MICAL3: variants seen among roughly 807,000 people sequenced by gnomAD.
MICAL3 encodes microtubule associated monooxygenase, calponin and LIM domain containing 3.
Under a neutral mutation model 207.4 loss-of-function variants are expected in MICAL3, and 62 were observed. The observed-to-expected ratio is 0.30, with a 90% CI of 0.24 to 0.37. The LOEUF is 0.37. Among genes scored for constraint, MICAL3 ranks in the 10% least tolerant of loss-of-function variants. MICAL3 has a pLI of 1.00. For missense variants in MICAL3, 2,368 were observed against 2,635.6 expected, an observed-to-expected ratio of 0.90 and a Z score of 2.22; for synonymous variants, 1,077 against 1,069.3, an observed-to-expected ratio of 1.01 and a Z score of -0.14.
intron 1 of MICAL3, among the ~76,000 whole-genome samples, chr22:17,990,229 G>C (rs1921513267): frequency 6.6e-6 from 1 of 152,114 alleles, no homozygotes; most frequent in African/African-American, 2.4e-5. Context: ...GATGAGGAGG[G>C]GACCAGCAAG....
Position 17,822,993 on chromosome 22 carries a change from T to C in MICAL3, c.3261A>G (p.Ala1087=). ...DSEPAEIEGE[A]AEDGDPGDTG... ...TGTCCCCTGGGTCCCCATCCTCTGC[T>C]GCCTCCCCTTCTATCTCGGCTGGTT... is the stretch of plus-strand genomic sequence containing the variant. The change falls in exon 23 of 32, where the codon GCA becomes GCG. Residue 1087 remains alanine, a synonymous_variant. Coordinates refer to ENST00000441493, the MANE Select transcript of MICAL3 (RefSeq NM_015241.3). 1 of 1,613,902 alleles carries C rather than the reference T, an allele frequency of 6.2e-7. No homozygotes were observed. Among genetic ancestry groups the C allele is most frequent in the Non-Finnish European group, 8.5e-7 (1 of 1,179,814 alleles).
At chr22:17,909,593 G>C (rs963407467) in intron 1 of MICAL3, among the ~76,000 whole-genome samples, 7 of 152,204 alleles carry the variant, frequency 4.6e-5, no homozygotes, top group Admixed American at 4.6e-4. Context: ...ACATGGCCAA[G>C]AGGCCAGCAA....
intron 27 of MICAL3, among the ~76,000 whole-genome samples, chr22:17,815,940 A>G (rs1245072545): frequency 6.6e-6 from 1 of 152,182 alleles, no homozygotes; most frequent in Non-Finnish European, 1.5e-5. Flanking sequence ...GGCATGCTAC[A>G]TTCTCGGGAA....
At chr22:17,985,202 C>T (rs1274801045) in intron 1 of MICAL3, among the ~76,000 whole-genome samples, 1 of 152,142 alleles carries the variant, frequency 6.6e-6, no homozygotes, top group Non-Finnish European at 1.5e-5. Flanking sequence ...GTGCCTGGAG[C>T]ACGGGAGGAA....
At chr22:17,833,770 A>G (rs919189070) in intron 20 of MICAL3, among the ~76,000 whole-genome samples, 7 of 152,170 alleles carry the variant, frequency 4.6e-5, no homozygotes, top group African/African-American at 1.4e-4. Flanking sequence ...TAATCAATCA[A>G]TCATTGCCTA....
intron 1 of MICAL3, among the ~76,000 whole-genome samples, chr22:17,962,545 GC>G (rs1450400463): frequency 6.6e-6 from 1 of 152,190 alleles, no homozygotes; most frequent in Non-Finnish European, 1.5e-5. Context: ...TGGAACTGCG[GC>G]CAGGCCACAT....
intron 19 of MICAL3, among the ~76,000 whole-genome samples, chr22:17,858,656 AGT>A (rs1926190078): frequency 6.6e-6 from 1 of 152,190 alleles, no homozygotes; most frequent in African/African-American, 2.4e-5. Flanking sequence ...CCTCTTAGGC[AGT>A]GTGTTAATTA....
Position 17,834,393 on chromosome 22 carries a change from G to C in MICAL3, c.2802-2286C>G. 3 of 1,277,282 alleles carry C rather than the reference G, an allele frequency of 2.3e-6. No individual in the cohort carries two copies. In the South Asian group the frequency reaches 3.8e-5, roughly 16 times the overall value. 79.1% of individuals were successfully genotyped at this position (1,277,282 alleles called of 1,614,324 possible). A position where few individuals can be genotyped will look rare whatever the true frequency, so the allele number is the denominator to read the frequency against. ...CCTCACAACGCACTTGCTAGACACTGTAGGGAACACAAAGGTGACACAGAA... is the reference window on the plus strand; with the variant it reads ...CCTCACAACGCACTTGCTAGACACTCTAGGGAACACAAAGGTGACACAGAA... On this transcript the variant is annotated intron_variant, in intron 20 of 31. Coordinates refer to ENST00000441493, the MANE Select transcript of MICAL3 (RefSeq NM_015241.3).
chr22:17,799,526 T>C (rs1368308769), intron 29 of MICAL3, among the ~76,000 whole-genome samples: 1 of 152,222 alleles, frequency 6.6e-6, no homozygotes, highest in South Asian at 2.1e-4. Context: ...TGACCAAATG[T>C]GTTGCTGACT....
At chr22:17,834,025 G>A (rs1923093243) in intron 20 of MICAL3, among the ~76,000 whole-genome samples, 1 of 152,102 alleles carries the variant, frequency 6.6e-6, no homozygotes, top group African/African-American at 2.4e-5. Context: ...TGAGTTCTGC[G>A]AGCTCTAGCA....
chr22:17,934,334 TA>T lies in MICAL3; in HGVS notation c.-74-27449del, dbSNP rs554528841. Among the ~76,000 whole-genome samples the T allele has an allele frequency of 4.6e-5, 7 of 151,988 alleles. No individual in the cohort carries two copies. In the East Asian group the frequency reaches 1.2e-3, roughly 25 times the overall value. ...AAATCAATAAACGTAATCCATCACA[TA>T]AACAGAACCAAAGACAAAAACCACA... On this transcript the variant is annotated intron_variant, in intron 1 of 31. Coordinates refer to ENST00000441493, the MANE Select transcript of MICAL3 (RefSeq NM_015241.3).
Position 17,790,379 on chromosome 22 carries a change from G to A in MICAL3, c.*353C>T. 3.8e-6 allele frequency: 1 copy of A among 266,362 alleles called. No homozygotes were observed. Among genetic ancestry groups the A allele is most frequent in the Non-Finnish European group, 7.2e-6 (1 of 138,078 alleles). 16.5% of individuals were successfully genotyped at this position (266,362 alleles called of 1,614,324 possible). Reference sequence around the variant, plus strand: ...CACGGCGCACTGTGGTTCTGACGGGGAGCAGCTTCCCTCTCTTACCAAATG... The same window carrying A: ...CACGGCGCACTGTGGTTCTGACGGGAAGCAGCTTCCCTCTCTTACCAAATG... On this transcript the variant is annotated 3_prime_UTR_variant, in exon 32 of 32. Coordinates refer to ENST00000441493, the MANE Select transcript of MICAL3 (RefSeq NM_015241.3).
At chr22:18,001,433 T>C (rs1923001476) in intron 1 of MICAL3, 1 of 152,208 alleles carries the variant, frequency 6.6e-6, no homozygotes, top group Non-Finnish European at 1.5e-5. Context: ...CCGGCGTCGC[T>C]GTGGCGGGCC....
At chr22:17,996,511 G>GT (rs1400918560) in intron 1 of MICAL3, among the ~76,000 whole-genome samples, 6 of 151,786 alleles carry the variant, frequency 4.0e-5, no homozygotes, top group African/African-American at 1.5e-4. Flanking sequence ...ATTCTTCCCA[G>GT]TTTTTTTGTG....
At chr22:17,898,843 A>T (rs980045154) in intron 7 of MICAL3, among the ~76,000 whole-genome samples, 1 of 152,130 alleles carries the variant, frequency 6.6e-6, no homozygotes, top group African/African-American at 2.4e-5. Context: ...TGGAGCTCAG[A>T]CCTGTTCTGT....
intron 1 of MICAL3, among the ~76,000 whole-genome samples, chr22:17,982,898 C>T (rs889705302): frequency 2.6e-5 from 4 of 152,148 alleles, no homozygotes; most frequent in African/African-American, 9.7e-5. Context: ...CTGGGTTTAG[C>T]ACCCTGGGTG....
intron 1 of MICAL3, among the ~76,000 whole-genome samples, chr22:17,911,359 C>T (rs1001677491): frequency 1.3e-5 from 2 of 151,498 alleles, no homozygotes; most frequent in Non-Finnish European, 2.9e-5. Flanking sequence ...AACAAAACAA[C>T]AAAAAAGAAT....
chr22:17,989,375 C>A (rs181238288), intron 1 of MICAL3, among the ~76,000 whole-genome samples: 1 of 152,276 alleles, frequency 6.6e-6, no homozygotes, highest in East Asian at 1.9e-4. Context: ...TACCACACAG[C>A]GCTGAAATCA....
In MICAL3 at chr22:17,885,929, C is replaced by T. The variant is rs982741355; in HGVS notation, c.2190G>A (p.Leu730=). The T allele has an allele frequency of 4.3e-6, 7 of 1,613,888 alleles. No individual in the cohort carries two copies. The African/African-American group carries it at 6.7e-5, about 15-fold the overall frequency. Residue 730 remains leucine (L), a synonymous_variant, in exon 16 of 32, where the codon CTG becomes CTA. Transcript: ENST00000441493. ...NKVKYMATQL[L]AKFEENAPAQ... is the part of the protein sequence containing the mutation. The stretch of plus-strand genomic sequence containing the variant: ...CGGGCGCATTCTCTTCAAATTTGGC[C>T]AGCAGCTGGGTCGCCATGTACTTCA...
Sources: allele counts gnomAD v4.1 joint callset (sites outside exome capture counted in the v4.1 genomes callset), GRCh38; gene constraint gnomAD v4.1.1; transcripts MANE v1.5; gene names NCBI Gene and HGNC (gene_info 2026-07-23, HGNC 2026-07-21).